Variants in LAMA2 observed in about 807,000 individuals in gnomAD.
The protein encoded by LAMA2 is laminin subunit alpha 2.
In LAMA2, 269 loss-of-function variants were observed where a neutral mutation model predicts 364.8. The observed-to-expected ratio is 0.74, with a 90% CI of 0.67 to 0.82. LAMA2 has a LOEUF of 0.82. Ranked by LOEUF, LAMA2 falls within the 40% of genes least tolerant of loss-of-function variation. The pLI is 0.00. For missense variants in LAMA2, 3,807 were observed against 3,873.2 expected (o/e 0.98, Z 0.45); for synonymous variants, 1,379 against 1,370.6 (o/e 1.01, Z -0.14).
At chr6:129,252,406 A>C in intron 14 of LAMA2, 111 bp downstream of exon 14, 1 of 762,168 alleles carries the variant, frequency 1.3e-6, no homozygotes, top group Non-Finnish European at 2.3e-6. Flanking sequence ...CTGTCTTCAA[A>C]GAGCAGATAA....
intron 10 of LAMA2, among the ~76,000 whole-genome samples, chr6:129,185,602 A>C (rs9492263): frequency 1.3e-5 from 2 of 151,660 alleles, no homozygotes; most frequent in South Asian, 4.1e-4. Context: ...CACATGGTGC[A>C]TCTGTACATA....
intron 11 of LAMA2, 33 bp from the exon 12 acceptor site, chr6:129,192,647 A>T (rs1390170058): frequency 2.5e-6 from 4 of 1,599,974 alleles, no homozygotes; most frequent in Non-Finnish European, 2.6e-6. Flanking sequence ...GATATTTTTT[A>T]AAAATTAATG....
intron 51 of LAMA2, among the ~76,000 whole-genome samples, chr6:129,467,959 C>T (rs1054673587): frequency 1.3e-5 from 2 of 151,806 alleles, no homozygotes; most frequent in Admixed American, 6.6e-5. Context: ...AAAGAATTTT[C>T]CTTTATCCCA....
At chr6:129,309,766 T>A (rs1367191729) in intron 22 of LAMA2, among the ~76,000 whole-genome samples, 1 of 152,220 alleles carries the variant, frequency 6.6e-6, no homozygotes, top group Non-Finnish European at 1.5e-5. Context: ...AATATACAAA[T>A]AATCACATTT....
intron 9 of LAMA2, among the ~76,000 whole-genome samples, chr6:129,174,693 C>G (rs1266928688): frequency 2.0e-5 from 3 of 152,056 alleles, no homozygotes; most frequent in Non-Finnish European, 4.4e-5. Context: ...CCAGTCAACT[C>G]CAGGAAAGAC....
chr6:129,295,655 A>G (rs1164832929), intron 20 of LAMA2, among the ~76,000 whole-genome samples: 1 of 152,006 alleles, frequency 6.6e-6, no homozygotes, highest in Non-Finnish European at 1.5e-5. Flanking sequence ...CGACTTTGGA[A>G]TTTTTAAAAT....
intron 40 of LAMA2, among the ~76,000 whole-genome samples, chr6:129,420,457 T>C (rs1258010966): frequency 6.3e-3 from 1 of 160 alleles, no homozygotes; most frequent in Non-Finnish European, 0.01. Context: ...TTAAAATCAT[T>C]TTAAGTTTTA....
chr6:129,356,830 C>T (rs1212858295), intron 32 of LAMA2, among the ~76,000 whole-genome samples: 1 of 152,008 alleles, frequency 6.6e-6, no homozygotes, highest in Non-Finnish European at 1.5e-5. Flanking sequence ...CATTGAGACT[C>T]CTCTAAGATT....
intron 1 of LAMA2, among the ~76,000 whole-genome samples, chr6:129,025,394 C>G (rs569544834): frequency 6.6e-6 from 1 of 152,124 alleles, no homozygotes; most frequent in South Asian, 2.1e-4. Flanking sequence ...ATCAAAAGCT[C>G]AAATCATGAA....
intron 1 of LAMA2, among the ~76,000 whole-genome samples, chr6:128,889,239 T>C (rs1776310807): frequency 6.6e-6 from 1 of 152,208 alleles, no homozygotes; most frequent in African/African-American, 2.4e-5. Flanking sequence ...TATAGGTACT[T>C]TGGAGTTCCC....
intron 35 of LAMA2, among the ~76,000 whole-genome samples, chr6:129,386,062 A>G (rs1778999541): frequency 6.6e-6 from 1 of 151,662 alleles, no homozygotes; most frequent in Non-Finnish European, 1.5e-5. Flanking sequence ...TTCTTTCCCT[A>G]ATTTATACAA....
At chr6:129,007,748 C>T (rs902022374) in intron 1 of LAMA2, among the ~76,000 whole-genome samples, 21 of 152,140 alleles carry the variant, frequency 1.4e-4, no homozygotes, top group African/African-American at 4.1e-4. Flanking sequence ...CCATTTTAGG[C>T]TGCCATTTTT....
At chr6:129,222,571 C>T (rs574125917) in intron 12 of LAMA2, among the ~76,000 whole-genome samples, 1 of 147,564 alleles carries the variant, frequency 6.8e-6, no homozygotes, top group Non-Finnish European at 1.5e-5. Context: ...CAGTTCCCAC[C>T]TATGAGTGAG....
chr6:129,165,443 T>C (rs1284057372), intron 8 of LAMA2, 133 bp from the exon 9 acceptor site: 2 of 605,792 alleles, frequency 3.3e-6, no homozygotes, highest in East Asian at 2.8e-5. Context: ...GTATTAAAGG[T>C]AATTCTTATA....
chr6:129,376,577 C>T (rs1417129206), intron 34 of LAMA2, among the ~76,000 whole-genome samples: 1 of 152,180 alleles, frequency 6.6e-6, no homozygotes, highest in African/African-American at 2.4e-5. Flanking sequence ...TCTCCCATCA[C>T]TTGTGCCCCT....
intron 1 of LAMA2, among the ~76,000 whole-genome samples, chr6:128,938,007 T>C (rs936849468): frequency 1.3e-5 from 2 of 152,166 alleles, no homozygotes; most frequent in Non-Finnish European, 2.9e-5. Flanking sequence ...AAGATACTTT[T>C]GATTTCTCTT....
intron 9 of LAMA2, among the ~76,000 whole-genome samples, chr6:129,170,886 A>C (rs558753896): frequency 1.3e-4 from 19 of 150,010 alleles, no homozygotes; most frequent in Non-Finnish European, 2.2e-4. Context: ...TATTTAGGAT[A>C]GTTAGCTCTT....
intron 10 of LAMA2, among the ~76,000 whole-genome samples, chr6:129,186,485 G>GTTTA (rs1781236171): frequency 7.7e-6 from 1 of 129,872 alleles, no homozygotes; most frequent in South Asian, 2.3e-4. Flanking sequence ...GTTTTACTGT[G>GTTTA]TGTATTTATT....
chr6:129,107,543 G>A (rs981731867), intron 4 of LAMA2, among the ~76,000 whole-genome samples: 1 of 152,106 alleles, frequency 6.6e-6, no homozygotes, highest in African/African-American at 2.4e-5. Context: ...GAAGGAATAG[G>A]TGAGGGTCTC....
Sources: gnomAD v4.1 joint callset for allele counts (sites outside exome capture counted in the v4.1 genomes callset) on GRCh38, gnomAD v4.1.1 for gene constraint, MANE v1.5 for transcripts, NCBI Gene and HGNC (gene_info 2026-07-23, HGNC 2026-07-21) for gene names.